DSC1: variants seen among roughly 807,000 people sequenced by gnomAD.
DSC1 encodes desmocollin-1.
Under a neutral mutation model 98.8 loss-of-function variants are expected in DSC1, and 79 were observed. That is an observed-to-expected ratio of 0.80 (90% CI 0.67 to 0.96). The LOEUF is 0.96. DSC1 is among the 50% of genes least tolerant of loss of function. DSC1 has a pLI of 0.00. For synonymous variants in DSC1, 405 were observed against 372.1 expected, an observed-to-expected ratio of 1.09 and a Z score of -1.02; for missense variants, 1,115 against 1,075.9, an observed-to-expected ratio of 1.04 and a Z score of -0.51.
In DSC1 at chr18:31,132,692, A is replaced by G. The variant is rs927970582; in HGVS notation, c.2117-3T>C. On this transcript the variant is annotated splice_region_variant and splice_polypyrimidine_tract_variant and intron_variant, in intron 13 of 15. Coordinates refer to ENST00000257198, the MANE Select transcript of DSC1 (RefSeq NM_024421.2). ...ACAGAAACATGTAAACAGAATACCTAAAAAGCAAAAAAGATCAAAGTAAAA... is the reference window on the plus strand; with the variant it reads ...ACAGAAACATGTAAACAGAATACCTGAAAAGCAAAAAAGATCAAAGTAAAA... The G allele has an allele frequency of 1.4e-5, 22 of 1,607,776 alleles. No individual in the cohort carries two copies. The highest frequency in any genetic ancestry group is 2.2e-5 in the East Asian group (1 of 44,732).
At chr18:31,145,381 A>G (rs915578838) in intron 7 of DSC1, among the ~76,000 whole-genome samples, 5 of 152,218 alleles carry the variant, frequency 3.3e-5, no homozygotes, top group African/African-American at 1.2e-4. Flanking sequence ...AAGCAATTTT[A>G]TCATCAACAA....
rs775039903 is a variant in DSC1, at chr18:31,132,641, T to G, written c.2165A>C (p.Lys722Thr). 6.2e-6 allele frequency: 10 copies of G among 1,613,384 alleles called. No homozygotes were observed. Among genetic ancestry groups the G allele is most frequent in the Non-Finnish European group, 6.8e-6 (8 of 1,179,668 alleles). ...FCVTAKRTVKKCFPEDIAQQN... is the reference protein window; with the variant it reads ...FCVTAKRTVKTCFPEDIAQQN... ...CTGGGCTATGTCTTCTGGAAAACAT[T>G]TCTTGACTGTTCTCTTAGCAGTGAC... Residue 722 changes from lysine to threonine, a missense_variant, in exon 14 of 16, where the codon AAA (lysine) becomes ACA (threonine). Coordinates refer to ENST00000257198, the MANE Select transcript of DSC1 (RefSeq NM_024421.2).
chr18:31,160,020 C>A (rs1167203321), intron 1 of DSC1, among the ~76,000 whole-genome samples: 1 of 152,138 alleles, frequency 6.6e-6, no homozygotes, highest in East Asian at 1.9e-4. Context: ...CCCAAAAAAT[C>A]ATTGTTCTCA....
In DSC1 at chr18:31,162,673, T is replaced by C; in HGVS notation, c.-79A>G. On this transcript the variant is annotated 5_prime_UTR_variant, in exon 1 of 16. Coordinates refer to ENST00000257198, the MANE Select transcript of DSC1 (RefSeq NM_024421.2). ...ATGCACAGAGCGGCTAAGAAGACGCTGGCACTTGCACAGGGTATTCTGCTG... is the reference window on the plus strand; with the variant it reads ...ATGCACAGAGCGGCTAAGAAGACGCCGGCACTTGCACAGGGTATTCTGCTG... 1 of 1,302,232 alleles carries C rather than the reference T, an allele frequency of 7.7e-7. No homozygotes were observed. The highest frequency in any genetic ancestry group is 1.1e-6 in the Non-Finnish European group (1 of 900,282). 80.7% of individuals were successfully genotyped at this position (1,302,232 alleles called of 1,614,324 possible).
chr18:31,155,936 G>T (rs1989088389), intron 4 of DSC1, 107 bp downstream of exon 4: 1 of 1,186,812 alleles, frequency 8.4e-7, no homozygotes. Flanking sequence ...ATCATTATTT[G>T]TACCATTAGT....
At chr18:31,134,280 C>T in intron 12 of DSC1, 150 bp from the exon 13 acceptor site, 1 of 1,082,900 alleles carries the variant, frequency 9.2e-7, no homozygotes, top group East Asian at 2.6e-5. Flanking sequence ...CCAGAAGAGC[C>T]AGAAAAGTAA....
intron 14 of DSC1, chr18:31,132,054 C>T (rs1237396942): frequency 3.3e-6 from 2 of 597,172 alleles, no homozygotes; most frequent in African/African-American, 3.7e-5. Flanking sequence ...AGAATGTGAA[C>T]TTATTTGGAA....
Position 31,140,087 on chromosome 18 carries a change from C to A in DSC1, c.1475G>T (p.Gly492Val), listed in dbSNP as rs1988699871. The change falls in exon 10 of 16, where the codon GGA becomes GTA. Residue 492 changes from glycine to valine, a missense_variant. Transcript: ENST00000257198. ...TATTTCCGGGTCCAGTGCTTTGTAT[C>A]CAAGGAGTTCTTGGCCAGCTGGGAA... ...DGFPAGQELL[G>V]YKALDPEISS... 6.8e-6 allele frequency: 11 copies of A among 1,613,950 alleles called. No homozygotes were observed. The highest frequency in any genetic ancestry group is 8.5e-6 in the Non-Finnish European group (10 of 1,179,920).
chr18:31,159,838 A>C (rs1234314800), intron 1 of DSC1, among the ~76,000 whole-genome samples: 2 of 152,190 alleles, frequency 1.3e-5, no homozygotes, highest in Non-Finnish European at 2.9e-5. Flanking sequence ...CGTCTCTAAG[A>C]CCATTCATAA....
At chr18:31,147,840 A>T (rs1259728589) in intron 6 of DSC1, among the ~76,000 whole-genome samples, 1 of 152,088 alleles carries the variant, frequency 6.6e-6, no homozygotes, top group East Asian at 1.9e-4. Context: ...CATAAAATAG[A>T]CATTCCTGTA....
chr18:31,145,032 C>CG (rs1456360363), intron 7 of DSC1, among the ~76,000 whole-genome samples: 1 of 150,012 alleles, frequency 6.7e-6, no homozygotes, highest in Non-Finnish European at 1.5e-5. Flanking sequence ...CTCCGCCTCC[C>CG]GGGTTCACGC....
rs1988706055 is a variant in DSC1, at chr18:31,140,266, C to T, written c.1296G>A (p.Leu432=). The T allele has an allele frequency of 1.2e-6, 2 of 1,613,930 alleles. No homozygotes were observed. The highest frequency in any genetic ancestry group is 2.2e-5 in the East Asian group (1 of 44,870). ...GTGCCTCGTTAATGACACCAACTTGCAAAATAACTTGGCGATTGACTTCAT... is the reference window on the plus strand; with the variant it reads ...GTGCCTCGTTAATGACACCAACTTGTAAAATAACTTGGCGATTGACTTCAT... ...LNYEVNRQVI[L]QVGVINEAQF... Residue 432 remains leucine (L), a synonymous_variant, in exon 10 of 16, where the codon TTG becomes TTA. Coordinates refer to ENST00000257198, the MANE Select transcript of DSC1 (RefSeq NM_024421.2).
At chr18:31,160,870 A>G (rs528770363) in intron 1 of DSC1, among the ~76,000 whole-genome samples, 1 of 152,232 alleles carries the variant, frequency 6.6e-6, no homozygotes, top group Admixed American at 6.5e-5. Context: ...CTATACCTAT[A>G]TATGTATGTG....
intron 5 of DSC1, among the ~76,000 whole-genome samples, chr18:31,150,428 C>A (rs1158331440): frequency 1.0e-5 from 1 of 99,036 alleles, no homozygotes; most frequent in Non-Finnish European, 2.2e-5. Flanking sequence ...ACTGCTACCA[C>A]TATTACCATC....
At chr18:31,148,424 A>G in intron 6 of DSC1, 74 bp downstream of exon 6, 1 of 1,429,670 alleles carries the variant, frequency 7.0e-7, no homozygotes, top group Non-Finnish European at 9.3e-7. Context: ...GATAAAACGT[A>G]AACATCTTTA....
At chr18:31,132,001 T>C (rs1988504069) in intron 14 of DSC1, 159 bp from the exon 15 acceptor site, 2 of 831,446 alleles carry the variant, frequency 2.4e-6, no homozygotes, top group Non-Finnish European at 3.7e-6. Context: ...ATGGGTTGAA[T>C]TGAGTCCCCT....
chr18:31,161,855 C>G (rs1298653437), intron 1 of DSC1, among the ~76,000 whole-genome samples: 1 of 152,024 alleles, frequency 6.6e-6, no homozygotes, highest in East Asian at 1.9e-4. Context: ...TTTTGAAACT[C>G]AAGTATTTTG....
At chr18:31,161,531 C>A (rs117775745) in intron 1 of DSC1, among the ~76,000 whole-genome samples, 1,954 of 152,250 alleles carry the variant, frequency 0.013, 19 homozygotes, top group Middle Eastern at 0.037. Context: ...CTATTCCCGT[C>A]TTCAGGTTAA....
At position 31,130,507 on chromosome 18, in the gene DSC1, G is replaced by C. The variant is rs1205479490; in HGVS notation, c.*7C>G. On this transcript the variant is annotated 3_prime_UTR_variant, in exon 16 of 16. Coordinates refer to ENST00000257198, the MANE Select transcript of DSC1 (RefSeq NM_024421.2). ...ATCTGTGGATATTACACTATTAAAA[G>C]GCACATTTATTTCTTGATGCATGTC... is the stretch of plus-strand genomic sequence containing the variant. 6.2e-7 allele frequency: 1 copy of C among 1,613,898 alleles called. No individual in the cohort carries two copies. Among genetic ancestry groups the C allele is most frequent in the Non-Finnish European group, 8.5e-7 (1 of 1,179,894 alleles).
Sources: allele counts gnomAD v4.1 joint callset (sites outside exome capture counted in the v4.1 genomes callset), GRCh38; gene constraint gnomAD v4.1.1; transcripts MANE v1.5; gene names NCBI Gene and HGNC (gene_info 2026-07-23, HGNC 2026-07-21).